Variants in MIGA2 observed in about 807,000 individuals in gnomAD.
MIGA2 encodes the protein family with sequence similarity 73, member B.
A neutral mutation model predicts 69.9 loss-of-function variants in MIGA2; 36 were observed. The ratio of observed to expected loss-of-function variants is 0.52; its 90% CI spans 0.39 to 0.68. MIGA2 has a LOEUF of 0.68. MIGA2 is among the 30% of genes least tolerant of loss of function. The pLI is 0.00. For synonymous variants in MIGA2, 333 were observed against 349.2 expected (o/e 0.95, Z 0.52); for missense variants, 660 against 787.7 (o/e 0.84, Z 1.94).
chr9:129,069,411 C>T lies in MIGA2; in HGVS notation c.1458+282C>T, dbSNP rs17455594. The T allele has an allele frequency of 0.06, 33,377 of 554,684 alleles. 1,282 individuals carry two copies. The highest frequency in any genetic ancestry group is 0.16 in the Middle Eastern group (319 of 2,028). The allele number at this position is 554,684 out of a possible 1,614,324, so 34.4% of individuals were successfully genotyped here. ...GGGCTGGCAGCTGGCCTGGTGCAGG[C>T]GTCTCGGTGGGGGCAGGATACCCAG... On this transcript the variant is annotated intron_variant, in intron 14 of 15. Coordinates refer to ENST00000684074, the MANE Select transcript of MIGA2 (RefSeq NM_001329990.2). The surrounding 1 kb of genome is among the most constrained non-coding windows in gnomAD (Gnocchi z 4.9).
chr9:129,065,678 C>G (rs1846303702), intron 11 of MIGA2, among the ~76,000 whole-genome samples: 3 of 152,222 alleles, frequency 2.0e-5, no homozygotes, highest in African/African-American at 7.2e-5. Context: ...AAAGACAACG[C>G]CTGTATAACC....
At chr9:129,038,567 A>G (rs1281085607) in intron 1 of MIGA2, among the ~76,000 whole-genome samples, 1 of 152,144 alleles carries the variant, frequency 6.6e-6, no homozygotes, top group Admixed American at 6.5e-5. Flanking sequence ...AAAGCTGCCC[A>G]GTACTCTGTG....
Position 129,069,556 on chromosome 9 carries a change from G to C in MIGA2, c.1459-293G>C. On this transcript the variant is annotated intron_variant, in intron 14 of 15. Transcript: ENST00000684074. This position sits in a 1 kb window ranked among gnomAD's most constrained non-coding sequence, Gnocchi z 4.9. Reference sequence around the variant, plus strand: ...CCTGTGGTTTGTCGTTCCCCTCTGCGGGCCAGGCTCTGTTGCCTAGCTGAT... The same window carrying C: ...CCTGTGGTTTGTCGTTCCCCTCTGCCGGCCAGGCTCTGTTGCCTAGCTGAT... 1.9e-6 allele frequency: 1 copy of C among 530,186 alleles called. No individual in the cohort carries two copies. The highest frequency in any genetic ancestry group is 2.1e-5 in the South Asian group (1 of 48,744). The allele number at this position is 530,186 out of a possible 1,614,324, so 32.8% of individuals were successfully genotyped here.
rs1156627552 is a variant in MIGA2, at chr9:129,059,062, C to T, written c.676-92C>T. 4 of 1,140,268 alleles carry T rather than the reference C, an allele frequency of 3.5e-6. No homozygotes were observed. Among genetic ancestry groups the T allele is most frequent in the Middle Eastern group, 1.9e-4 (1 of 5,132 alleles). The allele number at this position is 1,140,268 out of a possible 1,614,324, so 70.6% of individuals were successfully genotyped here. ...TTAGCTGCTGGGTCCTAGAGCTCCT[C>T]CCCTTTCCCCAGGGACCTGGGGGTG... On this transcript the variant is annotated intron_variant, in intron 6 of 15. Transcript: ENST00000684074. The surrounding 1 kb of genome is among the most constrained non-coding windows in gnomAD (Gnocchi z 5.6).
At position 129,042,373 on chromosome 9, in the gene MIGA2, G is replaced by A; in HGVS notation, c.166G>A (p.Val56Met). 1 of 1,613,686 alleles carries A rather than the reference G, an allele frequency of 6.2e-7. No individual in the cohort carries two copies. The highest frequency in any genetic ancestry group is 8.5e-7 in the Non-Finnish European group (1 of 1,180,046). ...CCTCTTTGCCACGGCCCTGGGGACT[G>A]TGGCCCTGGCCCTGGCTGCCCACCA... is the stretch of plus-strand genomic sequence containing the variant. ...KVLFATALGT[V>M]ALALAAHQLK... is the part of the protein sequence containing the mutation. Residue 56 changes from valine (V) to methionine (M), a missense_variant, in exon 3 of 16, where the codon GTG (valine) becomes ATG (methionine). This residue lies in a region of MIGA2 where 54 missense variants were observed against 84.0 expected (regional missense o/e 0.64). Coordinates refer to ENST00000684074, the MANE Select transcript of MIGA2 (RefSeq NM_001329990.2).
intron 4 of MIGA2, 60 bp from the exon 5 acceptor site, chr9:129,049,321 G>A: frequency 6.5e-7 from 1 of 1,529,808 alleles, no homozygotes; most frequent in Non-Finnish European, 9.0e-7. Flanking sequence ...GGGCTCAGGG[G>A]GGCCCTGCAG....
At chr9:129,052,343 G>A (rs1168471842) in intron 6 of MIGA2, among the ~76,000 whole-genome samples, 3 of 136,252 alleles carry the variant, frequency 2.2e-5, no homozygotes, top group Non-Finnish European at 3.1e-5. Context: ...GGGTGGTCTC[G>A]AACTCCTAAC....
intron 9 of MIGA2, among the ~76,000 whole-genome samples, chr9:129,062,929 G>A (rs1206035714): frequency 2.0e-5 from 3 of 152,218 alleles, no homozygotes; most frequent in Non-Finnish European, 4.4e-5. Flanking sequence ...CTGTCAGGAG[G>A]CAGTTTGGCC....
intron 11 of MIGA2, among the ~76,000 whole-genome samples, chr9:129,066,027 C>T (rs1831855941): frequency 6.6e-6 from 1 of 152,240 alleles, no homozygotes; most frequent in South Asian, 2.1e-4. Context: ...TGCATCAGCA[C>T]TCCTCGGATA....
chr9:129,062,466 A>G (rs1846114464), intron 9 of MIGA2, among the ~76,000 whole-genome samples: 1 of 143,490 alleles, frequency 7.0e-6, no homozygotes, highest in Admixed American at 7.4e-5. Context: ...CGGGAGGCAG[A>G]GGTTGCAGTG....
Position 129,069,724 on chromosome 9 carries a change from C to T in MIGA2, c.1459-125C>T, listed in dbSNP as rs539554039. ...GAAAGCTTGAGTCACTGCCCAGGGT[C>T]ATCTAGCAGGAAAGTACATGAGCTG... On this transcript the variant is annotated intron_variant, in intron 14 of 15. Coordinates refer to ENST00000684074, the MANE Select transcript of MIGA2 (RefSeq NM_001329990.2). The surrounding 1 kb of genome is among the most constrained non-coding windows in gnomAD (Gnocchi z 4.9). 1.3e-5 allele frequency: 10 copies of T among 759,654 alleles called. No individual in the cohort carries two copies. Among genetic ancestry groups the T allele is most frequent in the Middle Eastern group, 2.4e-4 (1 of 4,222 alleles). The allele number at this position is 759,654 out of a possible 1,614,324, so 47.1% of individuals were successfully genotyped here.
At chr9:129,040,821 TG>T (rs1455524931) in intron 2 of MIGA2, 131 bp downstream of exon 2, 12 of 709,200 alleles carry the variant, frequency 1.7e-5, no homozygotes, top group Non-Finnish European at 2.5e-5. Context: ...CTCTTTGGAC[TG>T]GGTTTGTTGT....
intron 6 of MIGA2, among the ~76,000 whole-genome samples, chr9:129,054,267 A>T (rs2131367637): frequency 6.6e-6 from 1 of 152,092 alleles, no homozygotes; most frequent in East Asian, 1.9e-4. Flanking sequence ...CAGCCTGGGC[A>T]GCATAGTGAG....
intron 1 of MIGA2, chr9:129,037,100 A>G: frequency 1.0e-6 from 1 of 977,560 alleles, no homozygotes; most frequent in Non-Finnish European, 1.2e-6. Flanking sequence ...CAATTTCTGA[A>G]GACGGGGATA....
chr9:129,063,655 G>GGGGGGGGGGGGGGGGGGGGC, intron 11 of MIGA2, 24 bp downstream of exon 11: 3 of 645,708 alleles, frequency 4.6e-6, no homozygotes, highest in Non-Finnish European at 5.8e-6. Flanking sequence ...GGGTGGGGGG[G>GGGGGGGGGGGGGGGGGGGGC]CAAATTATAA....
At position 129,068,244 on chromosome 9, in the gene MIGA2, T is replaced by C. The variant is rs1846473428; in HGVS notation, c.1316T>C (p.Met439Thr). 6.2e-7 allele frequency: 1 copy of C among 1,613,730 alleles called. No individual in the cohort carries two copies. The highest frequency in any genetic ancestry group is 8.5e-7 in the Non-Finnish European group (1 of 1,180,002). ...GACATCGTGCTGGACTTCATCCTCA[T>C]GGACGCCTTCGAGGACCTGGAGAAC... ...FFDIVLDFIL[M>T]DAFEDLENPP... The change falls in exon 13 of 16, where the codon ATG (methionine) becomes ACG (threonine). Residue 439 changes from methionine (M) to threonine (T), a missense_variant. Physicochemically the swap from Met to Thr is moderately conservative, Grantham distance 81. Coordinates refer to ENST00000684074, the MANE Select transcript of MIGA2 (RefSeq NM_001329990.2). The surrounding 1 kb of genome is among the most constrained non-coding windows in gnomAD (Gnocchi z 4.1).
intron 2 of MIGA2, among the ~76,000 whole-genome samples, chr9:129,041,493 CA>C (rs980559459): frequency 4.8e-4 from 68 of 142,286 alleles, no homozygotes; most frequent in East Asian, 1.4e-3. Context: ...GACTCCGTCT[CA>C]AAAAAAAAAA....
intron 6 of MIGA2, among the ~76,000 whole-genome samples, chr9:129,053,749 G>C (rs1845665384): frequency 6.6e-6 from 1 of 152,198 alleles, no homozygotes; most frequent in South Asian, 2.1e-4. Flanking sequence ...ACTTTGGAAA[G>C]CTGAGGTGGG....
At chr9:129,054,697 G>C (rs1014538727) in intron 6 of MIGA2, among the ~76,000 whole-genome samples, 69 of 152,114 alleles carry the variant, frequency 4.5e-4, no homozygotes, top group African/African-American at 1.6e-3. Flanking sequence ...TCACTGTTTT[G>C]TTTCTGTTGT....
Sources: gnomAD v4.1 joint callset for allele counts (sites outside exome capture counted in the v4.1 genomes callset) on GRCh38, gnomAD v4.1.1 for gene constraint, gnomAD v4.1.1 regional missense constraint, Gnocchi (gnomAD v3.1) non-coding constraint, MANE v1.5 for transcripts, NCBI Gene and HGNC (gene_info 2026-07-23, HGNC 2026-07-21) for gene names.